Variants in EFCAB8 observed in about 807,000 individuals in gnomAD.
The protein encoded by EFCAB8 is EF-hand calcium-binding domain-containing protein 8.
Under a neutral mutation model 116.3 loss-of-function variants are expected in EFCAB8, and 100 were observed. The ratio of observed to expected loss-of-function variants is 0.86; its 90% CI spans 0.73 to 1.02. The LOEUF (loss-of-function observed/expected upper bound fraction) is 1.02, where lower values mean the gene tolerates loss of function less well. Ranked by LOEUF, EFCAB8 falls within the 50% of genes least tolerant of loss-of-function variation. The pLI is 0.00. For synonymous variants in EFCAB8, 558 were observed against 567.9 expected, an observed-to-expected ratio of 0.98 and a Z score of 0.25; for missense variants, 1,320 against 1,416.9, an observed-to-expected ratio of 0.93 and a Z score of 1.10.
intron 6 of EFCAB8, among the ~76,000 whole-genome samples, chr20:32,886,285 G>C (rs1007685379): frequency 2.3e-4 from 35 of 152,208 alleles, no homozygotes; most frequent in African/African-American, 8.2e-4. Flanking sequence ...CACGCAGCAA[G>C]TCCCTGCTGG....
chr20:32,909,562 G>A (rs62207463), intron 14 of EFCAB8, among the ~76,000 whole-genome samples: 24,303 of 151,782 alleles, frequency 0.16, 2,442 homozygotes, highest in Middle Eastern at 0.28. Flanking sequence ...GTTATAAGGT[G>A]AAAGGGACCT....
intron 17 of EFCAB8, among the ~76,000 whole-genome samples, chr20:32,915,011 C>T (rs1987117222): frequency 6.6e-6 from 1 of 152,126 alleles, no homozygotes; most frequent in Admixed American, 6.5e-5. Context: ...GATCCTCCCA[C>T]CCCAGCCTCC....
chr20:32,899,130 A>C (rs934583129), intron 11 of EFCAB8, among the ~76,000 whole-genome samples: 5 of 152,142 alleles, frequency 3.3e-5, no homozygotes, highest in Non-Finnish European at 7.3e-5. Flanking sequence ...TCACGCCAGT[A>C]ATCCCAGCAC....
In EFCAB8 at chr20:32,931,174, C is replaced by T. The variant is rs1987894370; in HGVS notation, c.2632-4C>T. ...GAGGCCACTAACCCACACTTTATGT[C>T]TAGATCTGGGACATCAAGGATTACT... On this transcript the variant is annotated splice_region_variant and splice_polypyrimidine_tract_variant and intron_variant, in intron 21 of 26. Transcript: ENST00000400522. 5.9e-6 allele frequency: 9 copies of T among 1,535,598 alleles called. No homozygotes were observed. In the South Asian group the frequency reaches 6.2e-5, roughly 11 times the overall value.
At chr20:32,941,998 A>G (rs1459968083) in intron 22 of EFCAB8, among the ~76,000 whole-genome samples, 1 of 152,192 alleles carries the variant, frequency 6.6e-6, no homozygotes, top group Non-Finnish European at 1.5e-5. Context: ...TATGTAAAAG[A>G]ACATAAGTCA....
At chr20:32,932,376 C>A (rs1245611555) in intron 22 of EFCAB8, among the ~76,000 whole-genome samples, 2 of 149,718 alleles carry the variant, frequency 1.3e-5, no homozygotes, top group Non-Finnish European at 1.5e-5. Flanking sequence ...GACTCTGTCT[C>A]AAAAAAAAAA....
At chr20:32,945,823 G>A (rs753977179) in intron 23 of EFCAB8, among the ~76,000 whole-genome samples, 13 of 152,108 alleles carry the variant, frequency 8.5e-5, no homozygotes, top group Admixed American at 2.6e-4. Flanking sequence ...CCAGACTTAC[G>A]CATGTAAATT....
At chr20:32,951,815 G>T (rs1425696910) in intron 23 of EFCAB8, among the ~76,000 whole-genome samples, 5 of 152,044 alleles carry the variant, frequency 3.3e-5, no homozygotes, top group Non-Finnish European at 5.9e-5. Context: ...TGCCTGTTCA[G>T]ATCTTTTGCC....
intron 20 of EFCAB8, among the ~76,000 whole-genome samples, chr20:32,929,230 A>G (rs921336409): frequency 1.3e-5 from 2 of 151,238 alleles, no homozygotes; most frequent in Non-Finnish European, 2.9e-5. Context: ...TCTCCTCTTC[A>G]GTATTCTGGA....
At chr20:32,865,294 A>G (rs1334084731) in intron 2 of EFCAB8, among the ~76,000 whole-genome samples, 1 of 133,624 alleles carries the variant, frequency 7.5e-6, no homozygotes, top group African/African-American at 2.9e-5. Flanking sequence ...TCTAGGGGAG[A>G]TGGGTTGGAC....
intron 11 of EFCAB8, among the ~76,000 whole-genome samples, chr20:32,902,129 A>G (rs1039531352): frequency 6.6e-6 from 1 of 152,230 alleles, no homozygotes; most frequent in Admixed American, 6.5e-5. Context: ...ACCTCAGAGT[A>G]TCTTCTTACA....
intron 23 of EFCAB8, among the ~76,000 whole-genome samples, 163 bp from the exon 24 acceptor site, chr20:32,958,258 T>A (rs1312748987): frequency 6.6e-6 from 1 of 152,128 alleles, no homozygotes; most frequent in African/African-American, 2.4e-5. Context: ...TGTTGAGTAC[T>A]CAGTGTCGTG....
intron 1 of EFCAB8, among the ~76,000 whole-genome samples, chr20:32,861,492 C>G (rs1029534837): frequency 1.3e-5 from 2 of 152,060 alleles, no homozygotes; most frequent in African/African-American, 4.8e-5. Flanking sequence ...TTTCTCCATG[C>G]TGGCCAGGCT....
At chr20:32,925,147 A>G (rs1226848037) in intron 20 of EFCAB8, among the ~76,000 whole-genome samples, 1 of 152,206 alleles carries the variant, frequency 6.6e-6, no homozygotes, top group Admixed American at 6.5e-5. Flanking sequence ...CATGGCAGAA[A>G]GAGCACTAGG....
intron 1 of EFCAB8, among the ~76,000 whole-genome samples, chr20:32,861,588 C>T (rs1363575080): frequency 1.3e-5 from 2 of 152,114 alleles, no homozygotes; most frequent in Non-Finnish European, 2.9e-5. Context: ...CGCGCCTAGC[C>T]GTTGAAACAC....
intron 22 of EFCAB8, among the ~76,000 whole-genome samples, chr20:32,934,276 A>C (rs1988020543): frequency 7.1e-6 from 1 of 140,912 alleles, no homozygotes; most frequent in Non-Finnish European, 1.6e-5. Context: ...CCCAAATGAC[A>C]GGATTTTTTT....
At chr20:32,896,090 A>T (rs1394258973) in intron 9 of EFCAB8, among the ~76,000 whole-genome samples, 3 of 152,208 alleles carry the variant, frequency 2.0e-5, no homozygotes, top group Non-Finnish European at 4.4e-5. Flanking sequence ...TTCAGAACAA[A>T]AAGAGCCTAG....
intron 7 of EFCAB8, among the ~76,000 whole-genome samples, chr20:32,890,754 T>C (rs1032300785): frequency 6.6e-6 from 1 of 152,208 alleles, no homozygotes; most frequent in African/African-American, 2.4e-5. Context: ...GTCCCACTGC[T>C]CTGTAGATGT....
intron 4 of EFCAB8, 101 bp from the exon 5 acceptor site, chr20:32,878,603 C>T (rs535155314): frequency 9.5e-5 from 85 of 893,664 alleles, no homozygotes; most frequent in Non-Finnish European, 1.3e-4. Flanking sequence ...CTGCAAGCTC[C>T]GCTTCCCGGG....
Sources: gnomAD v4.1 joint callset for allele counts (sites outside exome capture counted in the v4.1 genomes callset) on GRCh38, gnomAD v4.1.1 for gene constraint, MANE v1.5 for transcripts, NCBI Gene and HGNC (gene_info 2026-07-23, HGNC 2026-07-21) for gene names.